CD72: variants seen among roughly 807,000 people sequenced by gnomAD.
The protein encoded by CD72 is CD72 molecule.
In CD72, 28 loss-of-function variants were observed where a neutral mutation model predicts 50.7. The ratio of observed to expected loss-of-function variants is 0.55; its 90% CI spans 0.41 to 0.76. CD72 has a LOEUF of 0.76. Ranked by LOEUF, CD72 falls within the 30% of genes least tolerant of loss-of-function variation. The pLI is 0.00. For synonymous variants in CD72, 176 were observed against 171.2 expected (o/e 1.03, Z -0.22); for missense variants, 403 against 420.6 (o/e 0.96, Z 0.37).
intron 1 of CD72, among the ~76,000 whole-genome samples, chr9:35,633,238 G>A (rs1563899444): frequency 6.6e-6 from 1 of 151,110 alleles, no homozygotes. Context: ...CACTGTGCCT[G>A]GGCCTTCTTA....
rs531365607 is a variant in CD72 at position 35,642,175 on chromosome 9, A to G, written n.408+4228T>C. On this transcript the variant is annotated intron_variant and non_coding_transcript_variant, in intron 1 of 3. Transcript: ENST00000465754. ...GTCGGGATCAGTCACGGGAACCTCT[A>G]AAAGGTCCCCTCTAGCGGCACTGGT... 7.9e-5 allele frequency among the ~76,000 whole-genome samples: 12 copies of G among 152,326 alleles called. No individual in the cohort carries two copies. The East Asian group carries it at 1.3e-3, about 17-fold the overall frequency.
upstream of CD72, chr9:35,618,697 C>T (rs746752305): frequency 5.1e-5 from 53 of 1,044,880 alleles, no homozygotes; most frequent in Middle Eastern, 1.2e-3. Flanking sequence ...CTCCTGGCTG[C>T]CTTGTCCACT....
chr9:35,633,950 T>G (rs1823268456), intron 1 of CD72, among the ~76,000 whole-genome samples: 1 of 152,230 alleles, frequency 6.6e-6, no homozygotes, highest in African/African-American at 2.4e-5. Flanking sequence ...TTCCATGTCT[T>G]TATTTTAAAA....
Position 35,618,336 on chromosome 9 carries a change from C to T in CD72, c.-33G>A, listed in dbSNP as rs1203257854. 1 of 1,613,872 alleles carries T rather than the reference C, an allele frequency of 6.2e-7. No individual in the cohort carries two copies. On this transcript the variant is annotated 5_prime_UTR_variant, in exon 1 of 9. Transcript: ENST00000259633. ...AGCAGCTCTGCCCCCACTCGTCTTC[C>T]CTGTCATCCACTGTCCTCCCTTGCC...
chr9:35,617,007 A>C (rs1823074591), intron 3 of CD72, 169 bp downstream of exon 3: 2 of 1,451,948 alleles, frequency 1.4e-6, no homozygotes, highest in South Asian at 1.4e-5. Context: ...TGCACGTCGG[A>C]TTCAGGCGCA....
intron 1 of CD72, among the ~76,000 whole-genome samples, chr9:35,640,686 G>A (rs1354502355): frequency 6.6e-5 from 10 of 152,240 alleles, no homozygotes. Context: ...CTGCGACAGT[G>A]GCAAACAGCA....
In CD72 at chr9:35,610,062, C is replaced by A. The variant is rs187524013; in HGVS notation, c.*261G>T. The A allele has an allele frequency of 3.9e-5, 12 of 310,380 alleles. No individual in the cohort carries two copies. In the Admixed American group the frequency reaches 4.8e-4, roughly 12 times the overall value. 19.2% of individuals were successfully genotyped at this position (310,380 alleles called of 1,614,324 possible). ...GCTCAGCCCGTGCGCCCTCCTCCCC[C>A]ACCCCATTCTACCATGGGAAGTTCT... On this transcript the variant is annotated 3_prime_UTR_variant, in exon 9 of 9. Coordinates refer to ENST00000259633, the MANE Select transcript of CD72 (RefSeq NM_001782.3).
intron 1 of CD72, among the ~76,000 whole-genome samples, chr9:35,637,054 C>A (rs1823297494): frequency 6.6e-6 from 1 of 152,018 alleles, no homozygotes; most frequent in Non-Finnish European, 1.5e-5. Flanking sequence ...TATTCCCCCA[C>A]CCTTGTGAAT....
At chr9:35,618,774 C>A (rs899335948), upstream of CD72, 36 of 1,288,624 alleles carry the variant, frequency 2.8e-5, no homozygotes, top group Non-Finnish European at 3.5e-5. Context: ...GGGTGAGGCT[C>A]CGTTCTCCCC....
chr9:35,614,913 A>AC (rs111944624), intron 5 of CD72, among the ~76,000 whole-genome samples: 11,936 of 151,978 alleles, frequency 0.079, 643 homozygotes, highest in African/African-American at 0.16. Context: ...TGGACAGGAG[A>AC]AGCTGATGGG....
Position 35,613,002 on chromosome 9 carries a change from C to T in CD72, c.689-9G>A. 1 of 1,604,240 alleles carries T rather than the reference C, an allele frequency of 6.2e-7. No homozygotes were observed. The highest frequency in any genetic ancestry group is 1.3e-5 in the African/African-American group (1 of 74,794). On this transcript the variant is annotated splice_polypyrimidine_tract_variant and intron_variant, in intron 5 of 8. Coordinates refer to ENST00000259633, the MANE Select transcript of CD72 (RefSeq NM_001782.3). ...CGACGGACAGCAGGTGTCTAAAAAG[C>T]AGAAAGAGTGTGATAGCAGCAACAG...
chr9:35,620,951 A>G (rs1390374228), upstream of CD72, among the ~76,000 whole-genome samples: 1 of 152,208 alleles, frequency 6.6e-6, no homozygotes, highest in East Asian at 1.9e-4. Flanking sequence ...ATATCTTTTC[A>G]TCACAGGCCG....
intron 4 of CD72, 26 bp downstream of exon 4, chr9:35,616,574 T>C (rs777585059): frequency 1.3e-6 from 2 of 1,574,186 alleles, no homozygotes; most frequent in Non-Finnish European, 8.7e-7. Context: ...TCGGTGTAAG[T>C]GGGAAGTAGG....
intron 1 of CD72, among the ~76,000 whole-genome samples, chr9:35,626,027 A>T (rs995329470): frequency 5.9e-5 from 9 of 151,972 alleles, no homozygotes; most frequent in South Asian, 2.1e-4. Context: ...GTCAAGAAGT[A>T]ATTTTGACCT....
chr9:35,635,382 A>G (rs1823280630), intron 1 of CD72, among the ~76,000 whole-genome samples: 1 of 152,084 alleles, frequency 6.6e-6, no homozygotes, highest in African/African-American at 2.4e-5. Context: ...CATATTTGCA[A>G]TTCTATATTT....
chr9:35,623,590 G>A (rs1823164841), upstream of CD72, among the ~76,000 whole-genome samples: 2 of 152,016 alleles, frequency 1.3e-5, no homozygotes, highest in Non-Finnish European at 1.5e-5. Context: ...TGTGTCTTGT[G>A]ACCTCCAACC....
chr9:35,644,474 G>A lies in CD72; in HGVS notation n.408+1929C>T, dbSNP rs572431900. Among the ~76,000 whole-genome samples, 5 of 151,640 alleles carry A rather than the reference G, an allele frequency of 3.3e-5. No homozygotes were observed. The South Asian group carries it at 8.4e-4, about 25-fold the overall frequency. The stretch of plus-strand genomic sequence containing the variant: ...GACAAGTAACAAGGAAGCCAACTTT[G>A]GTTCCAAATTTTAAAAGTTCTATCA... On this transcript the variant is annotated intron_variant and non_coding_transcript_variant, in intron 1 of 3. Coordinates refer to the CD72 transcript ENST00000465754.
chr9:35,618,472 C>G (rs1416989805), upstream of CD72: 1 of 1,481,412 alleles, frequency 6.8e-7, no homozygotes, highest in East Asian at 2.5e-5. Context: ...GTTAGCAAGT[C>G]TCAAACAGAT....
chr9:35,645,216 A>T (rs866487560), intron 1 of CD72, among the ~76,000 whole-genome samples: 7 of 149,316 alleles, frequency 4.7e-5, no homozygotes, highest in African/African-American at 1.5e-4. Context: ...AAAAAAAAAA[A>T]GGAATTCATT....
Sources: allele counts gnomAD v4.1 joint callset (sites outside exome capture counted in the v4.1 genomes callset), GRCh38; gene constraint gnomAD v4.1.1; transcripts MANE v1.5; gene names NCBI Gene and HGNC (gene_info 2026-07-23, HGNC 2026-07-21).